The following ROR2 variants were observed in gnomAD, a reference collection of about 807,000 sequenced individuals.
ROR2 encodes tyrosine-protein kinase transmembrane receptor ROR2.
In ROR2, 33 loss-of-function variants were observed where a neutral mutation model predicts 74.9. The observed-to-expected ratio is 0.44, with a 90% CI of 0.33 to 0.59. The LOEUF (loss-of-function observed/expected upper bound fraction) is 0.59, where lower values mean the gene tolerates loss of function less well. Among genes scored for constraint, ROR2 ranks in the 20% least tolerant of loss-of-function variants. The probability of loss-of-function intolerance (pLI) is 0.02; values close to 1 mark genes in which losing one functional copy is unlikely to be tolerated. For missense variants in ROR2, 1,216 were observed against 1,313.8 expected (o/e 0.93, Z 1.15); for synonymous variants, 586 against 558.7 (o/e 1.05, Z -0.69).
chr9:91,758,588 C>T (rs1825827173), intron 2 of ROR2, among the ~76,000 whole-genome samples: 1 of 152,220 alleles, frequency 6.6e-6, no homozygotes, highest in African/African-American at 2.4e-5. Context: ...CCCGCGCACA[C>T]ACACTAGGGG....
chr9:91,755,395 T>C (rs1825716049), intron 4 of ROR2, among the ~76,000 whole-genome samples: 1 of 152,134 alleles, frequency 6.6e-6, no homozygotes, highest in African/African-American at 2.4e-5. Flanking sequence ...GAGGAGGAAA[T>C]GCAGGAAACC....
At chr9:91,870,238 T>C (rs1232990683) in intron 1 of ROR2, among the ~76,000 whole-genome samples, 1 of 152,228 alleles carries the variant, frequency 6.6e-6, no homozygotes, top group Non-Finnish European at 1.5e-5. Context: ...CTGGATCATT[T>C]AGTCATGAAA....
chr9:91,943,988 A>G (rs1831946810), intron 1 of ROR2, among the ~76,000 whole-genome samples: 1 of 152,242 alleles, frequency 6.6e-6, no homozygotes, highest in Admixed American at 6.5e-5. Context: ...ATCAGGAACA[A>G]GACAAGAATG....
intron 1 of ROR2, among the ~76,000 whole-genome samples, chr9:91,911,842 G>A (rs908425259): frequency 1.8e-4 from 24 of 131,854 alleles, no homozygotes; most frequent in African/African-American, 7.0e-4. Flanking sequence ...AACATCCCCA[G>A]AAAAGGAACA....
intron 1 of ROR2, among the ~76,000 whole-genome samples, chr9:91,872,650 T>C (rs1295626912): frequency 6.6e-6 from 1 of 152,222 alleles, no homozygotes; most frequent in Non-Finnish European, 1.5e-5. Context: ...AGCAGCACTG[T>C]CGACTGCTGA....
At chr9:91,852,624 A>AACAAACACACAC (rs1222000050) in intron 1 of ROR2, among the ~76,000 whole-genome samples, 1 of 123,830 alleles carries the variant, frequency 8.1e-6, no homozygotes. Flanking sequence ...AAAACACACA[A>AACAAACACACAC]ACACACACAC....
chr9:91,844,082 G>A (rs555957259), intron 1 of ROR2, among the ~76,000 whole-genome samples: 4 of 152,328 alleles, frequency 2.6e-5, no homozygotes, highest in East Asian at 1.9e-4. Flanking sequence ...GCCATCAAAC[G>A]CGGAGCTGCA....
chr9:91,733,025 TG>T lies in ROR2; in HGVS notation c.937+96del. 1 of 1,243,480 alleles carries T rather than the reference TG, an allele frequency of 8.0e-7. No homozygotes were observed. Among genetic ancestry groups the T allele is most frequent in the Non-Finnish European group, 1.1e-6 (1 of 896,456 alleles). 77.0% of individuals were successfully genotyped at this position (1,243,480 alleles called of 1,614,324 possible). A position where few individuals can be genotyped will look rare whatever the true frequency, so the allele number is the denominator to read the frequency against. ...GGGGGTTCTGTGGGGCCTGGACAGATGGGGCTCCCTGGGCTTCACCGACACC... is the reference window on the plus strand; with the variant it reads ...GGGGGTTCTGTGGGGCCTGGACAGATGGGCTCCCTGGGCTTCACCGACACC... On this transcript the variant is annotated intron_variant, in intron 6 of 8. Transcript: ENST00000375708. This position sits in a 1 kb window ranked among gnomAD's most constrained non-coding sequence, Gnocchi z 5.7.
chr9:91,850,038 A>C (rs1293234548), intron 1 of ROR2, among the ~76,000 whole-genome samples: 2 of 152,194 alleles, frequency 1.3e-5, no homozygotes, highest in African/African-American at 4.8e-5. Flanking sequence ...GAATATCCTC[A>C]TATCGACTTC....
At position 91,726,728 on chromosome 9, in the gene ROR2, C is replaced by T. The variant is rs1222570915; in HGVS notation, c.1199G>A (p.Ser400Asn). ...DVPSCSPRDS[S>N]KMGILYILVP... ...CAAGATGTACAGAATCCCCATCTTG[C>T]TGCTGTCTCGGGGACCTGTGAACAA... is the stretch of plus-strand genomic sequence containing the variant. The change falls in exon 8 of 9, where the codon AGC becomes AAC. Residue 400 changes from serine (S) to asparagine (N), a missense_variant. Transcript: ENST00000375708. 1 of 1,614,086 alleles carries T rather than the reference C, an allele frequency of 6.2e-7. No individual in the cohort carries two copies. Among genetic ancestry groups the T allele is most frequent in the Non-Finnish European group, 8.5e-7 (1 of 1,179,998 alleles).
intron 1 of ROR2, among the ~76,000 whole-genome samples, chr9:91,895,989 T>TGACA (rs1830529575): frequency 6.6e-6 from 1 of 152,330 alleles, no homozygotes; most frequent in East Asian, 1.9e-4. Flanking sequence ...CTGTGGCAGC[T>TGACA]GAGACTGCTT....
At chr9:91,754,233 TATGA>T (rs1175972418) in intron 4 of ROR2, among the ~76,000 whole-genome samples, 3 of 150,546 alleles carry the variant, frequency 2.0e-5, no homozygotes, top group Admixed American at 1.3e-4. Context: ...TATATAAATA[TATGA>T]ATGTTTAATA....
intron 1 of ROR2, among the ~76,000 whole-genome samples, chr9:91,863,285 C>T (rs770086974): frequency 6.6e-6 from 1 of 152,140 alleles, no homozygotes; most frequent in African/African-American, 2.4e-5. Flanking sequence ...CTTGGTCCCC[C>T]GAAGTGCTAG....
At chr9:91,816,654 C>T (rs549599851) in intron 1 of ROR2, among the ~76,000 whole-genome samples, 223 of 152,160 alleles carry the variant, frequency 1.5e-3, no homozygotes, top group African/African-American at 5.2e-3. Context: ...CCCTGGCATC[C>T]GCGATCCCCT....
At chr9:91,823,281 T>C (rs1262340950) in intron 1 of ROR2, among the ~76,000 whole-genome samples, 2 of 152,136 alleles carry the variant, frequency 1.3e-5, no homozygotes, top group Admixed American at 1.3e-4. Context: ...TGCTCACATA[T>C]TTGGGGCAGG....
At position 91,739,218 on chromosome 9, in the gene ROR2, A is replaced by C. The variant is rs1161863258; in HGVS notation, c.495-1700T>G. Among the ~76,000 whole-genome samples the C allele has an allele frequency of 2.6e-5, 4 of 152,302 alleles. No individual in the cohort carries two copies. The East Asian group carries it at 5.8e-4, about 22-fold the overall frequency. On this transcript the variant is annotated intron_variant, in intron 4 of 8. Coordinates refer to ENST00000375708, the MANE Select transcript of ROR2 (RefSeq NM_004560.4). ...CCCAAATGAAATCTGAATTCTGTTC[A>C]ATTTAAGGCTAGGCACAGTGGCTCG...
intron 1 of ROR2, among the ~76,000 whole-genome samples, chr9:91,898,615 T>A (rs1830595861): frequency 6.6e-6 from 1 of 152,070 alleles, no homozygotes; most frequent in Admixed American, 6.5e-5. Context: ...GAGCCCCACT[T>A]CCCCAGGGAA....
intron 1 of ROR2, among the ~76,000 whole-genome samples, chr9:91,794,280 C>T (rs1200260530): frequency 6.6e-6 from 1 of 152,230 alleles, no homozygotes; most frequent in Non-Finnish European, 1.5e-5. Context: ...TTTTGTTTAA[C>T]TCTCAAAACA....
At chr9:91,752,685 A>G (rs1825628702) in intron 4 of ROR2, among the ~76,000 whole-genome samples, 1 of 152,236 alleles carries the variant, frequency 6.6e-6, no homozygotes, top group Non-Finnish European at 1.5e-5. Context: ...CAGACCTTAT[A>G]GTGCTATACT....
Sources: allele counts gnomAD v4.1 joint callset (sites outside exome capture counted in the v4.1 genomes callset), GRCh38; gene constraint gnomAD v4.1.1; non-coding constraint Gnocchi (gnomAD v3.1); transcripts MANE v1.5; gene names NCBI Gene and HGNC (gene_info 2026-07-23, HGNC 2026-07-21).